Variants in ANKS1B observed in about 807,000 individuals in gnomAD.
ANKS1B encodes ankyrin repeat and sterile alpha motif domain-containing protein 1B.
Under a neutral mutation model 148.3 loss-of-function variants are expected in ANKS1B, and 36 were observed. The ratio of observed to expected loss-of-function variants is 0.24; its 90% CI spans 0.19 to 0.32. The LOEUF is 0.32. Ranked by LOEUF, ANKS1B falls within the 10% of genes least tolerant of loss-of-function variation. The pLI is 1.00. For missense variants in ANKS1B, 1,157 were observed against 1,542.6 expected, an observed-to-expected ratio of 0.75 and a Z score of 4.19; for synonymous variants, 542 against 560.8, an observed-to-expected ratio of 0.97 and a Z score of 0.47.
chr12:99,178,434 T>C (rs1463316416), intron 14 of ANKS1B, among the ~76,000 whole-genome samples: 2 of 152,198 alleles, frequency 1.3e-5, no homozygotes, highest in African/African-American at 2.4e-5. Context: ...TTAACACACA[T>C]GCTTTCTTAT....
intron 11 of ANKS1B, among the ~76,000 whole-genome samples, chr12:99,424,659 A>C (rs1408760432): frequency 2.6e-5 from 4 of 151,344 alleles, no homozygotes; most frequent in African/African-American, 4.9e-5. Flanking sequence ...ACACACACAC[A>C]CCCATAAGGA....
intron 8 of ANKS1B, among the ~76,000 whole-genome samples, chr12:99,733,637 G>A (rs541024815): frequency 2.6e-5 from 4 of 152,110 alleles, no homozygotes; most frequent in South Asian, 4.1e-4. Flanking sequence ...TAGGATAATT[G>A]CATTATCCAA....
In ANKS1B at chr12:99,047,493, G is replaced by A. The variant is rs533768556; in HGVS notation, c.2778+5664C>T. ...ATATTTAAGAAGCTCAAAAAACTTC[G>A]CACATAGAAAACATGCAAAAAATGA... On this transcript the variant is annotated intron_variant, in intron 17 of 26. Coordinates refer to ENST00000683438, the MANE Select transcript of ANKS1B (RefSeq NM_001352186.2). 1.7e-4 allele frequency among the ~76,000 whole-genome samples: 26 copies of A among 152,194 alleles called. No individual in the cohort carries two copies. In the East Asian group the frequency reaches 3.1e-3, roughly 18 times the overall value.
chr12:98,857,539 T>C (rs2099578121), intron 17 of ANKS1B, among the ~76,000 whole-genome samples: 1 of 151,550 alleles, frequency 6.6e-6, no homozygotes, highest in African/African-American at 2.4e-5. Context: ...TGGGTGTTAC[T>C]TGGATAAGTC....
chr12:99,230,367 A>G (rs973484580), intron 14 of ANKS1B, among the ~76,000 whole-genome samples: 3 of 152,106 alleles, frequency 2.0e-5, no homozygotes, highest in Non-Finnish European at 2.9e-5. Context: ...GGTTGATCAT[A>G]TATCAGAGAC....
chr12:99,897,876 A>C (rs1171851874), intron 1 of ANKS1B, among the ~76,000 whole-genome samples: 1 of 150,686 alleles, frequency 6.6e-6, no homozygotes, highest in Non-Finnish European at 1.5e-5. Flanking sequence ...AAAACCCTGA[A>C]AACTACCATC....
At chr12:98,828,376 A>C (rs1198005558) in intron 19 of ANKS1B, among the ~76,000 whole-genome samples, 1 of 152,238 alleles carries the variant, frequency 6.6e-6, no homozygotes, top group African/African-American at 2.4e-5. Context: ...TCACCTCGAG[A>C]TTCCCATCTT....
chr12:99,875,398 C>T (rs2091956593), intron 1 of ANKS1B, among the ~76,000 whole-genome samples: 1 of 151,594 alleles, frequency 6.6e-6, no homozygotes, highest in Non-Finnish European at 1.5e-5. Context: ...CTTTATCAAG[C>T]CACAAAAATT....
intron 17 of ANKS1B, among the ~76,000 whole-genome samples, chr12:98,999,473 C>A (rs2099931659): frequency 6.6e-6 from 1 of 152,112 alleles, no homozygotes; most frequent in Admixed American, 6.5e-5. Context: ...ACGTATATTA[C>A]ATTGGGATTT....
intron 9 of ANKS1B, among the ~76,000 whole-genome samples, chr12:99,562,175 C>T (rs1430598405): frequency 3.9e-5 from 6 of 152,192 alleles, no homozygotes; most frequent in Non-Finnish European, 8.8e-5. Context: ...GCTTAAAATA[C>T]TCAGTAAACT....
chr12:99,593,127 G>C (rs2097720205), intron 9 of ANKS1B, among the ~76,000 whole-genome samples: 1 of 152,008 alleles, frequency 6.6e-6, no homozygotes, highest in South Asian at 2.1e-4. Flanking sequence ...AAAAATAGAG[G>C]AGAGTATAAT....
At chr12:99,879,669 T>C (rs1211792953) in intron 1 of ANKS1B, among the ~76,000 whole-genome samples, 4 of 152,208 alleles carry the variant, frequency 2.6e-5, no homozygotes, top group Non-Finnish European at 5.9e-5. Flanking sequence ...TTCTTCCATA[T>C]GCTTTCAATT....
intron 10 of ANKS1B, among the ~76,000 whole-genome samples, chr12:99,494,438 G>A (rs575920230): frequency 1.2e-4 from 18 of 152,144 alleles, no homozygotes; most frequent in East Asian, 3.9e-4. Context: ...ATAAAGACCC[G>A]AGCAGATTTA....
At chr12:99,088,836 C>CTTTTTT (rs1292229404) in intron 15 of ANKS1B, among the ~76,000 whole-genome samples, 12 of 47,726 alleles carry the variant, frequency 2.5e-4, no homozygotes, top group African/African-American at 6.0e-4. Flanking sequence ...AGTTTAACTT[C>CTTTTTT]TGTTTTTTTT....
chr12:99,687,596 C>T, intron 8 of ANKS1B, among the ~76,000 whole-genome samples: 1 of 151,988 alleles, frequency 6.6e-6, no homozygotes, highest in East Asian at 1.9e-4. Flanking sequence ...CTGCTTCAGT[C>T]CTATCTCTGT....
chr12:99,813,393 T>C (rs977506591), intron 2 of ANKS1B, among the ~76,000 whole-genome samples: 7 of 151,060 alleles, frequency 4.6e-5, no homozygotes, highest in African/African-American at 1.7e-4. Context: ...AAAATATATA[T>C]ATAATTACAA....
At chr12:99,594,430 T>C (rs934234410) in intron 9 of ANKS1B, among the ~76,000 whole-genome samples, 8 of 152,040 alleles carry the variant, frequency 5.3e-5, no homozygotes, top group African/African-American at 1.9e-4. Context: ...ACATTATTCA[T>C]TAACAGCCAA....
At position 99,929,914 on chromosome 12, in the gene ANKS1B, T is replaced by C. The variant is rs1408374201; in HGVS notation, c.134+54190A>G. 1.1e-4 allele frequency among the ~76,000 whole-genome samples: 16 copies of C among 152,092 alleles called. 1 individual carries two copies. In the East Asian group the frequency reaches 2.3e-3, roughly 22 times the overall value. On this transcript the variant is annotated intron_variant, in intron 1 of 26. Coordinates refer to ENST00000683438, the MANE Select transcript of ANKS1B (RefSeq NM_001352186.2). Reference sequence around the variant, plus strand: ...TGGTTACTGTAGCCTTGTAGTATAGTTTGAAGTCAGGTAGCATGATGCCTC... The same window carrying C: ...TGGTTACTGTAGCCTTGTAGTATAGCTTGAAGTCAGGTAGCATGATGCCTC...
chr12:99,198,117 G>C (rs1167813834), intron 14 of ANKS1B, among the ~76,000 whole-genome samples: 1 of 151,940 alleles, frequency 6.6e-6, no homozygotes, highest in Non-Finnish European at 1.5e-5. Context: ...TCACTCCTAG[G>C]AATATGTGAC....
Sources: allele counts gnomAD v4.1 joint callset (sites outside exome capture counted in the v4.1 genomes callset), GRCh38; gene constraint gnomAD v4.1.1; transcripts MANE v1.5; gene names NCBI Gene and HGNC (gene_info 2026-07-23, HGNC 2026-07-21).